APP: variants seen among roughly 807,000 people sequenced by gnomAD.
APP encodes amyloid beta precursor protein.
A neutral mutation model predicts 101.4 loss-of-function variants in APP; 31 were observed. That is an observed-to-expected ratio of 0.31 (90% CI 0.23 to 0.41). The LOEUF (loss-of-function observed/expected upper bound fraction) is 0.41. Among genes scored for constraint, APP ranks in the 10% least tolerant of loss-of-function variants. The pLI is 1.00. For synonymous variants in APP, 366 were observed against 364.4 expected (o/e 1.00, Z -0.05); for missense variants, 839 against 1,003.7 (o/e 0.84, Z 2.22).
At chr21:26,170,771 G>A (rs1472579525), upstream of APP, 6 of 827,396 alleles carry the variant, frequency 7.3e-6, no homozygotes, top group Non-Finnish European at 1.0e-5. Context: ...GGAAACTGAC[G>A]GAGCCCGAGC....
At chr21:25,886,497 G>A (rs542243695) in intron 17 of APP, among the ~76,000 whole-genome samples, 8 of 152,074 alleles carry the variant, frequency 5.3e-5, no homozygotes, top group Admixed American at 6.5e-5. Context: ...GGGTTCAAGC[G>A]ATTCTCCTGC....
At chr21:26,021,371 C>A (rs1246426577) in intron 6 of APP, among the ~76,000 whole-genome samples, 1 of 152,056 alleles carries the variant, frequency 6.6e-6, no homozygotes, top group Non-Finnish European at 1.5e-5. Context: ...TTAATGAAAT[C>A]TAATCACAAC....
chr21:26,148,410 T>C (rs2063196830), intron 1 of APP, among the ~76,000 whole-genome samples: 1 of 152,208 alleles, frequency 6.6e-6, no homozygotes, highest in Non-Finnish European at 1.5e-5. Flanking sequence ...ATTCCTTTGC[T>C]AGTGTTTTTT....
chr21:26,095,263 G>A (rs1259461822), intron 2 of APP, among the ~76,000 whole-genome samples: 1 of 152,208 alleles, frequency 6.6e-6, no homozygotes, highest in East Asian at 1.9e-4. Flanking sequence ...ACAGGCATGA[G>A]CCACCATGCC....
chr21:25,912,012 C>A, intron 13 of APP, 50 bp from the exon 14 acceptor site: 1 of 1,349,264 alleles, frequency 7.4e-7, no homozygotes, highest in Non-Finnish European at 1.1e-6. Flanking sequence ...ATCACAACAG[C>A]AGCAGCAGCA....
chr21:26,163,211 G>T (rs1038523629), intron 1 of APP, among the ~76,000 whole-genome samples: 2 of 121,624 alleles, frequency 1.6e-5, no homozygotes, highest in Non-Finnish European at 1.6e-5. Flanking sequence ...CTGCACTCCA[G>T]CCTGGGTGAC....
intron 2 of APP, among the ~76,000 whole-genome samples, chr21:26,109,097 G>A (rs1352828018): frequency 6.6e-6 from 1 of 152,156 alleles, no homozygotes; most frequent in East Asian, 1.9e-4. Context: ...GCAGAGGACA[G>A]ATAATACCAG....
intron 11 of APP, among the ~76,000 whole-genome samples, chr21:25,958,781 C>A (rs917976845): frequency 6.6e-6 from 1 of 152,142 alleles, no homozygotes; most frequent in Non-Finnish European, 1.5e-5. Context: ...TATAAATCAT[C>A]GACCCCTTTC....
intron 11 of APP, among the ~76,000 whole-genome samples, chr21:25,964,251 C>G (rs17001583): frequency 0.035 from 5,350 of 152,266 alleles, 300 homozygotes; most frequent in African/African-American, 0.12. Flanking sequence ...AAGCAGATCA[C>G]TTCCTCATAG....
chr21:25,963,429 C>T (rs1175497954), intron 11 of APP, among the ~76,000 whole-genome samples: 1 of 152,176 alleles, frequency 6.6e-6, no homozygotes, highest in East Asian at 1.9e-4. Flanking sequence ...AGTGAAGTGT[C>T]AAGAGCGTTT....
chr21:26,031,689 G>C (rs993975585), intron 5 of APP, among the ~76,000 whole-genome samples: 1 of 107,320 alleles, frequency 9.3e-6, no homozygotes, highest in Non-Finnish European at 1.8e-5. Flanking sequence ...CAGCCCCCAT[G>C]AATCAATTAC....
chr21:25,959,863 G>A (rs2041501391), intron 11 of APP, among the ~76,000 whole-genome samples: 1 of 152,136 alleles, frequency 6.6e-6, no homozygotes, highest in African/African-American at 2.4e-5. Context: ...TAATTAAATG[G>A]TGAATGTATT....
At chr21:26,168,651 T>C in intron 1 of APP, among the ~76,000 whole-genome samples, 1 of 152,236 alleles carries the variant, frequency 6.6e-6, no homozygotes, top group Admixed American at 6.5e-5. Context: ...TTTTAATTCC[T>C]TAAATGTATG....
At chr21:26,006,638 A>T (rs906996759) in intron 6 of APP, among the ~76,000 whole-genome samples, 10 of 152,244 alleles carry the variant, frequency 6.6e-5, no homozygotes, top group Non-Finnish European at 1.2e-4. Context: ...AGTTCTGAAT[A>T]GATATTTCAA....
chr21:26,050,671 A>C (rs1004657654), intron 5 of APP, among the ~76,000 whole-genome samples: 1 of 152,194 alleles, frequency 6.6e-6, no homozygotes, highest in African/African-American at 2.4e-5. Flanking sequence ...GCATTTAAAA[A>C]TATTTTTAAA....
chr21:25,939,003 C>A (rs1166336420), intron 13 of APP, among the ~76,000 whole-genome samples: 1 of 152,162 alleles, frequency 6.6e-6, no homozygotes, highest in Non-Finnish European at 1.5e-5. Context: ...TAAAAAACAT[C>A]TGATTTTTGC....
chr21:26,067,429 AAGG>A (rs1435096490), intron 3 of APP, among the ~76,000 whole-genome samples: 1 of 152,232 alleles, frequency 6.6e-6, no homozygotes. Context: ...AATATATTTC[AAGG>A]AGTAGTGACT....
intron 13 of APP, chr21:25,945,599 CAAAGA>C: frequency 4.4e-6 from 1 of 226,816 alleles, no homozygotes; most frequent in Non-Finnish European, 9.0e-6. Context: ...GCACACAGAT[CAAAGA>C]AAAGAACTAA....
At chr21:26,106,075 G>A (rs1390543284) in intron 2 of APP, among the ~76,000 whole-genome samples, 1 of 152,194 alleles carries the variant, frequency 6.6e-6, no homozygotes, top group African/African-American at 2.4e-5. Context: ...CCCTGATAAT[G>A]CCCATGGGCA....
Sources: allele counts gnomAD v4.1 joint callset (sites outside exome capture counted in the v4.1 genomes callset), GRCh38; gene constraint gnomAD v4.1.1; transcripts MANE v1.5; gene names NCBI Gene and HGNC (gene_info 2026-07-23, HGNC 2026-07-21).